APBB2: variants seen among roughly 807,000 people sequenced by gnomAD.
APBB2 encodes the protein amyloid beta precursor protein binding family B member 2, also known as Fe65-like 1.
A neutral mutation model predicts 82.5 loss-of-function variants in APBB2; 38 were observed. The observed-to-expected ratio is 0.46, with a 90% CI of 0.36 to 0.60. The LOEUF is 0.60. APBB2 is among the 20% of genes least tolerant of loss of function. APBB2 has a pLI of 0.00. For missense variants in APBB2, 772 were observed against 972.3 expected, an observed-to-expected ratio of 0.79 and a Z score of 2.74; for synonymous variants, 341 against 368.2, an observed-to-expected ratio of 0.93 and a Z score of 0.85.
At chr4:41,026,850 A>G (rs998450958) in intron 5 of APBB2, among the ~76,000 whole-genome samples, 1 of 152,194 alleles carries the variant, frequency 6.6e-6, no homozygotes, top group Non-Finnish European at 1.5e-5. Flanking sequence ...TTTTTTTGAT[A>G]AACATAGAAA....
chr4:40,872,113 T>C (rs1020049519), intron 12 of APBB2, among the ~76,000 whole-genome samples: 1 of 152,242 alleles, frequency 6.6e-6, no homozygotes, highest in Non-Finnish European at 1.5e-5. Context: ...TAAGCATCAT[T>C]TCCAGCAGAA....
At chr4:40,926,074 C>T (rs1175970184) in intron 10 of APBB2, among the ~76,000 whole-genome samples, 1 of 152,194 alleles carries the variant, frequency 6.6e-6, no homozygotes, top group Non-Finnish European at 1.5e-5. Flanking sequence ...GAACTGGTTG[C>T]AAATGGCCAT....
At chr4:40,935,477 A>G in intron 7 of APBB2, 1 of 229,732 alleles carries the variant, frequency 4.4e-6, no homozygotes, top group Non-Finnish European at 8.4e-6. Context: ...TAATTCCATA[A>G]TAATCATTTT....
chr4:41,062,427 C>G (rs140866272), intron 4 of APBB2, among the ~76,000 whole-genome samples: 214 of 152,176 alleles, frequency 1.4e-3, no homozygotes, highest in African/African-American at 5.0e-3. Flanking sequence ...GATCCGCCCA[C>G]CTTGGCCTCC....
At chr4:41,024,890 C>A (rs1006330264) in intron 5 of APBB2, among the ~76,000 whole-genome samples, 3 of 152,258 alleles carry the variant, frequency 2.0e-5, no homozygotes, top group Non-Finnish European at 4.4e-5. Context: ...CAGGAAGAGT[C>A]ACCTGTAATC....
At chr4:41,167,578 T>C (rs1354369331) in intron 1 of APBB2, among the ~76,000 whole-genome samples, 1 of 152,238 alleles carries the variant, frequency 6.6e-6, no homozygotes, top group African/African-American at 2.4e-5. Context: ...TGCCTATGCA[T>C]ATTTTATTAA....
intron 1 of APBB2, among the ~76,000 whole-genome samples, chr4:41,204,028 G>A (rs1480944836): frequency 2.0e-5 from 3 of 148,944 alleles, no homozygotes; most frequent in African/African-American, 5.0e-5. Flanking sequence ...GCTGTGCCAA[G>A]CAAGAACCAT....
At position 40,811,974 on chromosome 4, in the gene APBB2, A is replaced by C. The variant is rs911331296; in HGVS notation, c.*4118T>G. 1.3e-5 allele frequency: 2 copies of C among 152,202 alleles called. No homozygotes were observed. The highest frequency in any genetic ancestry group is 2.4e-5 in the African/African-American group (1 of 41,452). 9.4% of individuals were successfully genotyped at this position (152,202 alleles called of 1,614,324 possible). On this transcript the variant is annotated 3_prime_UTR_variant, in exon 18 of 18. Coordinates refer to ENST00000508593, the MANE Select transcript of APBB2 (RefSeq NM_004307.2). ...TGATGTCAGGTTCTTAAAGGAAGTG[A>C]TAAACTTCTTCGTGCTAAAATATCA...
intron 3 of APBB2, among the ~76,000 whole-genome samples, chr4:41,066,136 G>GAA (rs36009324): frequency 4.8e-5 from 5 of 104,562 alleles, no homozygotes; most frequent in South Asian, 2.7e-4. Flanking sequence ...ATGTTGATTG[G>GAA]AAAAAAAAAA....
intron 5 of APBB2, among the ~76,000 whole-genome samples, chr4:41,028,336 C>T (rs1028649811): frequency 9.2e-5 from 14 of 152,248 alleles, no homozygotes; most frequent in African/African-American, 3.4e-4. Flanking sequence ...CACAGCCAAT[C>T]ACAGTAGCAA....
intron 1 of APBB2, among the ~76,000 whole-genome samples, chr4:41,174,047 G>A (rs779427853): frequency 6.6e-6 from 1 of 152,152 alleles, no homozygotes; most frequent in Non-Finnish European, 1.5e-5. Flanking sequence ...CTGTTCACAC[G>A]ATTCTCGTTT....
chr4:40,897,538 T>C (rs1366677965), intron 10 of APBB2, among the ~76,000 whole-genome samples: 3 of 152,208 alleles, frequency 2.0e-5, no homozygotes, highest in African/African-American at 7.2e-5. Context: ...AAAAATTGTT[T>C]TGTCATACTG....
chr4:40,878,894 G>A (rs931600702), intron 12 of APBB2, among the ~76,000 whole-genome samples: 1 of 152,070 alleles, frequency 6.6e-6, no homozygotes, highest in Non-Finnish European at 1.5e-5. Context: ...CCATGACCGC[G>A]CCTGCATGAT....
intron 10 of APBB2, among the ~76,000 whole-genome samples, chr4:40,895,617 G>A (rs1007585249): frequency 2.6e-5 from 4 of 152,282 alleles, no homozygotes; most frequent in South Asian, 2.1e-4. Context: ...TTATGAAAAC[G>A]CACAATTGTG....
intron 5 of APBB2, among the ~76,000 whole-genome samples, chr4:41,025,389 C>A (rs1266134792): frequency 6.6e-6 from 1 of 151,996 alleles, no homozygotes; most frequent in African/African-American, 2.4e-5. Context: ...GAAAAGGGAA[C>A]ACTTATATGC....
intron 15 of APBB2, among the ~76,000 whole-genome samples, chr4:40,825,500 C>T (rs1190587322): frequency 6.6e-6 from 1 of 152,246 alleles, no homozygotes; most frequent in Non-Finnish European, 1.5e-5. Flanking sequence ...CAGCATGAAG[C>T]CTCCACAGTC....
At chr4:41,136,214 C>T (rs372269775) in intron 2 of APBB2, among the ~76,000 whole-genome samples, 2 of 152,206 alleles carry the variant, frequency 1.3e-5, no homozygotes, top group South Asian at 4.2e-4. Context: ...ATTCAGCTCC[C>T]AAAAGAAAAC....
At chr4:40,915,676 G>C (rs1380535987) in intron 10 of APBB2, among the ~76,000 whole-genome samples, 1 of 151,996 alleles carries the variant, frequency 6.6e-6, no homozygotes, top group African/African-American at 2.4e-5. Context: ...GACCTACAAA[G>C]ACTTCAATTA....
chr4:40,855,079 T>C (rs776488180), intron 12 of APBB2, among the ~76,000 whole-genome samples: 2 of 152,110 alleles, frequency 1.3e-5, no homozygotes, highest in Non-Finnish European at 2.9e-5. Context: ...ACCCTTGGAG[T>C]GCAGATGACC....
Sources: allele counts gnomAD v4.1 joint callset (sites outside exome capture counted in the v4.1 genomes callset), GRCh38; gene constraint gnomAD v4.1.1; transcripts MANE v1.5; gene names NCBI Gene and HGNC (gene_info 2026-07-23, HGNC 2026-07-21).